IGFN1: variants seen among roughly 807,000 people sequenced by gnomAD.
IGFN1 encodes immunoglobulin-like and fibronectin type III domain-containing protein 1.
A neutral mutation model predicts 289.5 loss-of-function variants in IGFN1; 253 were observed. That is an observed-to-expected ratio of 0.87 (90% CI 0.79 to 0.97). The LOEUF (loss-of-function observed/expected upper bound fraction) is 0.97. IGFN1 is among the 50% of genes least tolerant of loss of function. The pLI, the probability that IGFN1 is intolerant of heterozygous loss-of-function variation, is 0.00. For synonymous variants in IGFN1, 1,706 were observed against 1,788.5 expected (o/e 0.95, Z 1.16); for missense variants, 4,470 against 4,686.1 (o/e 0.95, Z 1.35).
intron 18 of IGFN1, among the ~76,000 whole-genome samples, chr1:201,220,408 G>A (rs1006357531): frequency 1.3e-5 from 2 of 152,220 alleles, no homozygotes; most frequent in African/African-American, 4.8e-5. Context: ...TTGAACTCCT[G>A]CTTTCAAGCT....
At position 201,226,100 on chromosome 1, in the gene IGFN1, C is replaced by T; in HGVS notation, c.10763C>T (p.Pro3588Leu). The T allele has an allele frequency of 6.2e-7, 1 of 1,600,970 alleles. No homozygotes were observed. The highest frequency in any genetic ancestry group is 2.2e-5 in the East Asian group (1 of 44,546). Reference sequence around the variant, plus strand: ...AGCAAACCCTCGGACACCAGCCAGCCCTGGTGCATCCCCCGGCAGCGCGGT... The same window carrying T: ...AGCAAACCCTCGGACACCAGCCAGCTCTGGTGCATCCCCCGGCAGCGCGGT... ...GASKPSDTSQ[P>L]WCIPRQRDRF... Residue 3588 changes from proline (P) to leucine (L), a missense_variant, in exon 22 of 24, where the codon CCC becomes CTC. Coordinates refer to ENST00000335211, the MANE Select transcript of IGFN1 (RefSeq NM_001164586.2).
Position 201,206,459 on chromosome 1 carries a change from C to G in IGFN1, c.1566C>G (p.Pro522=), listed in dbSNP as rs1259716111. Residue 522 remains proline, a synonymous_variant, in exon 12 of 24, where the codon CCC becomes CCG. Transcript: ENST00000335211. ...GGGCCAGAAGCCTTGCAGAGAGGCC[C>G]CATCTACAGGGAGAGAGCTCAGAAT... ...GGWARSLAER[P]HLQGESSESG... is the part of the protein sequence containing the mutation. The G allele has an allele frequency of 7.7e-6, 12 of 1,551,226 alleles. No homozygotes were observed. In the South Asian group the frequency reaches 1.4e-4, roughly 18 times the overall value.
rs780229965 is a variant in IGFN1, at chr1:201,205,335, C to A, written c.1170C>A (p.Ser390Arg). ...YSLGTGLYTS[S>R]AWLVVEAGKD... ...TGGGCACCGGGCTCTACACTTCCAGCGCCTGGCTGGTGGTTGAAGGTGAGT... is the reference window on the plus strand; with the variant it reads ...TGGGCACCGGGCTCTACACTTCCAGAGCCTGGCTGGTGGTTGAAGGTGAGT... The change falls in exon 11 of 24, where the codon AGC becomes AGA. Residue 390 changes from serine (S) to arginine (R), a missense_variant. Ser to Arg is a moderately radical substitution (Grantham distance 110). Coordinates refer to ENST00000335211, the MANE Select transcript of IGFN1 (RefSeq NM_001164586.2). The A allele has an allele frequency of 4.5e-6, 7 of 1,539,566 alleles. No homozygotes were observed. In the Admixed American group the frequency reaches 5.9e-5, roughly 13 times the overall value.
Position 201,206,623 on chromosome 1 carries a change from G to C in IGFN1, c.1730G>C (p.Gly577Ala), listed in dbSNP as rs1480831416. ...QAGGLGSSRE[G>A]KEHRGDSGRQ... ...GGAGGACTGGGGAGCAGCAGGGAAGGAAAGGAGCACAGAGGGGACAGTGGA... is the reference window on the plus strand; with the variant it reads ...GGAGGACTGGGGAGCAGCAGGGAAGCAAAGGAGCACAGAGGGGACAGTGGA... Residue 577 changes from glycine (G) to alanine (A), a missense_variant, in exon 12 of 24, where the codon GGA becomes GCA. This residue lies in a region of IGFN1 where 2,011 missense variants were observed against 1,953.4 expected (regional missense o/e 1.03). Coordinates refer to ENST00000335211, the MANE Select transcript of IGFN1 (RefSeq NM_001164586.2). The C allele has an allele frequency of 1.9e-6, 3 of 1,542,190 alleles. No homozygotes were observed. In the East Asian group the frequency reaches 7.3e-5, roughly 38 times the overall value.
chr1:201,226,724 G>A (rs1654119493), intron 22 of IGFN1, among the ~76,000 whole-genome samples, 158 bp from the exon 23 acceptor site: 1 of 152,202 alleles, frequency 6.6e-6, no homozygotes, highest in African/African-American at 2.4e-5. Context: ...AGGATAGAAT[G>A]AGGCAAGCCT....
chr1:201,199,464 C>A, intron 6 of IGFN1, 86 bp downstream of exon 6: 1 of 1,429,030 alleles, frequency 7.0e-7, no homozygotes, highest in Non-Finnish European at 9.7e-7. Flanking sequence ...GTTGAGCTAC[C>A]ATGAACACCT....
Position 201,214,225 on chromosome 1 carries a change from C to T in IGFN1, c.8777C>T (p.Pro2926Leu), listed in dbSNP as rs200414774. The change falls in exon 13 of 24, where the codon CCG becomes CTG. Residue 2926 changes from proline (P) to leucine (L), a missense_variant. Physicochemically the swap from Pro to Leu is moderately conservative, Grantham distance 98 (BLOSUM62 -3). Coordinates refer to ENST00000335211, the MANE Select transcript of IGFN1 (RefSeq NM_001164586.2). ...GGCCTGGCTGACATGGAAGTGCAGC[C>T]GGGGGAGGCCGCCACACTCTCCTGT... is the stretch of plus-strand genomic sequence containing the variant. Reference protein sequence around the residue: ...SQGLADMEVQPGEAATLSCTL... With the variant: ...SQGLADMEVQLGEAATLSCTL... 1.7e-4 allele frequency: 280 copies of T among 1,613,338 alleles called. 1 individual carries two copies. In the East Asian group the frequency reaches 5.5e-3, roughly 31 times the overall value.
intron 19 of IGFN1, 81 bp from the exon 20 acceptor site, chr1:201,222,658 A>G (rs952513284): frequency 9.7e-6 from 9 of 926,560 alleles, no homozygotes; most frequent in Non-Finnish European, 1.5e-5. Context: ...CTTCCCCTCC[A>G]GCCCTACCTT....
chr1:201,207,665 G>A lies in IGFN1; in HGVS notation c.2772G>A (p.Trp924Ter), dbSNP rs775195748. The A allele has an allele frequency of 6.5e-7, 1 of 1,537,152 alleles. No homozygotes were observed. The highest frequency in any genetic ancestry group is 1.2e-5 in the South Asian group (1 of 84,054). Residue 924 changes from tryptophan (W) to a stop codon, truncating the protein, a stop_gained, in exon 12 of 24, where the codon TGG becomes TGA. Transcript: ENST00000335211. LOFTEE classifies it high-confidence loss of function. ...CAATAGGGTCTGAACCAGATTTCTG[G>A]AATGGGTCAGGGAGCTCCAGAGTAA... ...PGSIGSEPDFWNGSGSSRVKG... is the reference protein window; with the variant it reads ...PGSIGSEPDF
At chr1:201,199,737 G>A in intron 7 of IGFN1, 83 bp downstream of exon 7, 1 of 1,239,170 alleles carries the variant, frequency 8.1e-7, no homozygotes, top group Non-Finnish European at 1.1e-6. Context: ...AGCTGGGCTT[G>A]AGCCCCACCT....
At position 201,216,374 on chromosome 1, in the gene IGFN1, G is replaced by A. The variant is rs1468122899; in HGVS notation, c.9296-80G>A. 2.1e-4 allele frequency: 234 copies of A among 1,140,234 alleles called. 1 individual carries two copies. Among genetic ancestry groups the A allele is most frequent in the Non-Finnish European group, 1.7e-4 (145 of 844,030 alleles). The allele number at this position is 1,140,234 out of a possible 1,614,324, so 70.6% of individuals were successfully genotyped here. Reference sequence around the variant, plus strand: ...GGGGGTGGGGGGGAGTCGGGGTGGCGGGGAGTTGGGGGGGTTGGCGCTGCT... The same window carrying A: ...GGGGGTGGGGGGGAGTCGGGGTGGCAGGGAGTTGGGGGGGTTGGCGCTGCT... On this transcript the variant is annotated intron_variant, in intron 15 of 23. Coordinates refer to ENST00000335211, the MANE Select transcript of IGFN1 (RefSeq NM_001164586.2).
At chr1:201,204,980 G>C in intron 10 of IGFN1, 102 bp from the exon 11 acceptor site, 2 of 1,208,950 alleles carry the variant, frequency 1.7e-6, no homozygotes, top group Non-Finnish European at 2.3e-6. Context: ...GTTTGTGGCT[G>C]AGCTGGTCTA....
intron 20 of IGFN1, 136 bp from the exon 21 acceptor site, chr1:201,224,543 G>A (rs1434606876): frequency 3.1e-5 from 21 of 677,718 alleles, no homozygotes; most frequent in East Asian, 2.2e-4. Flanking sequence ...TCTTGTCGAC[G>A]TTGTGTTTTC....
chr1:201,224,448 C>A (rs1035498862), intron 20 of IGFN1, among the ~76,000 whole-genome samples: 1 of 152,140 alleles, frequency 6.6e-6, no homozygotes, highest in African/African-American at 2.4e-5. Context: ...CTTCGTCCAA[C>A]TTCCTTTCTT....
At chr1:201,194,846 A>G (rs747609321) in intron 3 of IGFN1, among the ~76,000 whole-genome samples, 2 of 152,276 alleles carry the variant, frequency 1.3e-5, no homozygotes, top group Non-Finnish European at 2.9e-5. Flanking sequence ...CATCCTGGTA[A>G]TAAGAAAAAG....
chr1:201,199,737 G>T, intron 7 of IGFN1, 83 bp downstream of exon 7: 1 of 1,239,170 alleles, frequency 8.1e-7, no homozygotes, highest in South Asian at 1.4e-5. Flanking sequence ...AGCTGGGCTT[G>T]AGCCCCACCT....
At chr1:201,191,876 A>G (rs1666671842) in intron 1 of IGFN1, among the ~76,000 whole-genome samples, 1 of 151,948 alleles carries the variant, frequency 6.6e-6, no homozygotes, top group Non-Finnish European at 1.5e-5. Context: ...GATGTGGGTG[A>G]CGATGGGGAT....
rs886895342 is a variant in IGFN1, at chr1:201,211,610, T to C, written c.6717T>C (p.Ser2239=). ...GTTTCAGGGATGGTTTAGGGAGTTC[T>C]GGGGAAATGGGGTCAATGGATGAGG... is the stretch of plus-strand genomic sequence containing the variant. ...KAGFRDGLGS[S]GEMGSMDEAD... Residue 2239 remains serine (S), a synonymous_variant, in exon 12 of 24, where the codon TCT becomes TCC. Coordinates refer to ENST00000335211, the MANE Select transcript of IGFN1 (RefSeq NM_001164586.2). 10 of 1,535,386 alleles carry C rather than the reference T, an allele frequency of 6.5e-6. No homozygotes were observed. In the African/African-American group the frequency reaches 9.6e-5, roughly 15 times the overall value.
Position 201,212,363 on chromosome 1 carries a change from C to T in IGFN1, c.7470C>T (p.Val2490=), listed in dbSNP as rs1460920148. The T allele has an allele frequency of 2.0e-6, 3 of 1,536,822 alleles. No individual in the cohort carries two copies. The highest frequency in any genetic ancestry group is 2.6e-6 in the Non-Finnish European group (3 of 1,146,802). ...CTGGTGCCAAGGGAAAACCAGATGT[C>T]AAAGAATGGCAAGACAGTTCTGGGA... ...EAAGAKGKPD[V]KEWQDSSGTP... is the part of the protein sequence containing the mutation. The change falls in exon 12 of 24, where the codon GTC becomes GTT. Residue 2490 remains valine, a synonymous_variant. Coordinates refer to ENST00000335211, the MANE Select transcript of IGFN1 (RefSeq NM_001164586.2).
Sources: gnomAD v4.1 joint callset for allele counts (sites outside exome capture counted in the v4.1 genomes callset) on GRCh38, gnomAD v4.1.1 for gene constraint, gnomAD v4.1.1 regional missense constraint, MANE v1.5 for transcripts, NCBI Gene and HGNC (gene_info 2026-07-23, HGNC 2026-07-21) for gene names.